Variants in KIAA0825 observed in about 807,000 individuals in gnomAD.
KIAA0825 encodes KIAA0825.
Under a neutral mutation model 147.6 loss-of-function variants are expected in KIAA0825, and 119 were observed. That is an observed-to-expected ratio of 0.81 (90% CI 0.69 to 0.94). The LOEUF (loss-of-function observed/expected upper bound fraction) is 0.94. Ranked by LOEUF, KIAA0825 falls within the 40% of genes least tolerant of loss-of-function variation. The probability of loss-of-function intolerance (pLI) is 0.00; values close to 1 mark genes in which losing one functional copy is unlikely to be tolerated. For synonymous variants in KIAA0825, 470 were observed against 518.1 expected (o/e 0.91, Z 1.26); for missense variants, 1,381 against 1,472.7 (o/e 0.94, Z 1.02).
At chr5:94,525,621 C>A (rs1769126428) in intron 3 of KIAA0825, among the ~76,000 whole-genome samples, 1 of 151,856 alleles carries the variant, frequency 6.6e-6, no homozygotes, top group African/African-American at 2.4e-5. Context: ...CTAAGCATAC[C>A]CCTTGACTCT....
chr5:94,530,870 T>C (rs549316943), intron 3 of KIAA0825, among the ~76,000 whole-genome samples: 1 of 152,290 alleles, frequency 6.6e-6, no homozygotes, highest in African/African-American at 2.4e-5. Flanking sequence ...ACTAAGATCC[T>C]CTCTGGGAAA....
At chr5:94,434,303 T>C (rs1562493197) in intron 14 of KIAA0825, among the ~76,000 whole-genome samples, 1 of 152,238 alleles carries the variant, frequency 6.6e-6, no homozygotes, top group African/African-American at 2.4e-5. Context: ...TAATTCCACT[T>C]CCTAAAAGTT....
intron 15 of KIAA0825, among the ~76,000 whole-genome samples, chr5:94,411,500 GAACCTC>G (rs750488652): frequency 2.6e-5 from 4 of 152,074 alleles, no homozygotes; most frequent in Non-Finnish European, 5.9e-5. Context: ...GGAAAAATAA[GAACCTC>G]AACATTTATC....
At chr5:94,275,669 G>T (rs564316383) in intron 20 of KIAA0825, among the ~76,000 whole-genome samples, 1 of 152,138 alleles carries the variant, frequency 6.6e-6, no homozygotes, top group Non-Finnish European at 1.5e-5. Flanking sequence ...GTCATGTAAT[G>T]TCAATTTAAA....
intron 20 of KIAA0825, among the ~76,000 whole-genome samples, chr5:94,233,501 A>ATACC (rs1774855102): frequency 2.6e-5 from 4 of 152,350 alleles, no homozygotes; most frequent in Middle Eastern, 6.8e-3. Flanking sequence ...AATTTTTATG[A>ATACC]AGATGGTAGC....
At chr5:94,269,753 A>G (rs1205583558) in intron 20 of KIAA0825, among the ~76,000 whole-genome samples, 1 of 152,094 alleles carries the variant, frequency 6.6e-6, no homozygotes, top group Non-Finnish European at 1.5e-5. Flanking sequence ...CATCGTAAAG[A>G]GCTAGAAAAG....
At chr5:94,585,015 T>G (rs1179957723) in intron 1 of KIAA0825, among the ~76,000 whole-genome samples, 2 of 152,146 alleles carry the variant, frequency 1.3e-5, no homozygotes, top group East Asian at 3.8e-4. Context: ...CCACCAGGCC[T>G]GACTTACAAG....
chr5:94,473,691 T>C (rs1191122968), intron 7 of KIAA0825, among the ~76,000 whole-genome samples, 172 bp from the exon 8 acceptor site: 1 of 152,196 alleles, frequency 6.6e-6, no homozygotes, highest in Non-Finnish European at 1.5e-5. Flanking sequence ...TAAAGCAATA[T>C]ACAAAAACAT....
At chr5:94,296,521 G>A (rs1778145400) in intron 20 of KIAA0825, among the ~76,000 whole-genome samples, 1 of 152,152 alleles carries the variant, frequency 6.6e-6, no homozygotes, top group Non-Finnish European at 1.5e-5. Flanking sequence ...TGAATCCCAG[G>A]GCCTTGGTGG....
At chr5:94,393,883 T>C (rs1190587314) in intron 17 of KIAA0825, among the ~76,000 whole-genome samples, 1 of 151,602 alleles carries the variant, frequency 6.6e-6, no homozygotes, top group Non-Finnish European at 1.5e-5. Context: ...AGTTTCACTC[T>C]TGTTGCCCAG....
At chr5:94,306,122 T>G (rs1778714923) in intron 20 of KIAA0825, among the ~76,000 whole-genome samples, 1 of 151,720 alleles carries the variant, frequency 6.6e-6, no homozygotes, top group Non-Finnish European at 1.5e-5. Flanking sequence ...ATAAAATAAC[T>G]ACATATAAAA....
At chr5:94,592,818 G>A (rs2152396316) in intron 1 of KIAA0825, 1 of 478,028 alleles carries the variant, frequency 2.1e-6, no homozygotes, top group East Asian at 4.6e-5. Context: ...ATATGCTTCG[G>A]CTAAGAGCTA....
chr5:94,299,620 TG>T (rs1271613846), intron 20 of KIAA0825, among the ~76,000 whole-genome samples: 1 of 152,214 alleles, frequency 6.6e-6, no homozygotes, highest in Non-Finnish European at 1.5e-5. Context: ...TGAATTCTAC[TG>T]TCCCTCATAA....
At chr5:94,377,858 T>C (rs1308319557) in intron 20 of KIAA0825, among the ~76,000 whole-genome samples, 3 of 152,214 alleles carry the variant, frequency 2.0e-5, no homozygotes, top group East Asian at 3.8e-4. Flanking sequence ...AAGGCTTGGT[T>C]GGATACTGTT....
At chr5:94,287,738 A>C (rs1198190060) in intron 20 of KIAA0825, among the ~76,000 whole-genome samples, 1 of 152,148 alleles carries the variant, frequency 6.6e-6, no homozygotes, top group Non-Finnish European at 1.5e-5. Context: ...CATTCATAGA[A>C]TTTCTAGAAA....
intron 2 of KIAA0825, among the ~76,000 whole-genome samples, chr5:94,537,983 T>C (rs1401558227): frequency 6.6e-6 from 1 of 152,230 alleles, no homozygotes; most frequent in Non-Finnish European, 1.5e-5. Flanking sequence ...ATGATACTCC[T>C]TCTTGAGGCA....
At chr5:94,554,003 C>T (rs1041340888) in intron 2 of KIAA0825, among the ~76,000 whole-genome samples, 16 of 152,114 alleles carry the variant, frequency 1.1e-4, no homozygotes, top group Admixed American at 2.6e-4. Flanking sequence ...TTCCCATTTC[C>T]CTTCCCTAGG....
chr5:94,325,246 A>G (rs956674005), intron 20 of KIAA0825, among the ~76,000 whole-genome samples: 18 of 151,986 alleles, frequency 1.2e-4, no homozygotes, highest in Admixed American at 1.1e-3. Context: ...CTCAAATGTA[A>G]TAGGACCATG....
At chr5:94,376,652 T>C (rs937163127) in intron 20 of KIAA0825, among the ~76,000 whole-genome samples, 5 of 152,134 alleles carry the variant, frequency 3.3e-5, no homozygotes, top group East Asian at 1.9e-4. Context: ...CTGCTGTAGA[T>C]TTCAGGATAA....
Sources: gnomAD v4.1 joint callset for allele counts (sites outside exome capture counted in the v4.1 genomes callset) on GRCh38, gnomAD v4.1.1 for gene constraint, MANE v1.5 for transcripts, NCBI Gene and HGNC (gene_info 2026-07-23, HGNC 2026-07-21) for gene names.